NPY1R: variants seen among roughly 807,000 people sequenced by gnomAD.
NPY1R encodes neuropeptide Y receptor Y1.
In NPY1R, 10 loss-of-function variants were observed where a neutral mutation model predicts 24.1. The ratio of observed to expected loss-of-function variants is 0.42; its 90% CI spans 0.26 to 0.71. NPY1R has a LOEUF of 0.71. NPY1R is among the 30% of genes least tolerant of loss of function. The pLI is 0.28. For synonymous variants in NPY1R, 168 were observed against 165.9 expected (o/e 1.01, Z -0.10); for missense variants, 350 against 458.0 (o/e 0.76, Z 2.15).
chr4:163,340,909 A>G (rs1036300512), intron 1 of NPY1R, among the ~76,000 whole-genome samples: 2 of 152,124 alleles, frequency 1.3e-5, no homozygotes, highest in Admixed American at 1.3e-4. Flanking sequence ...GTTTTATGGT[A>G]TAATCATTAG....
At chr4:163,334,431 TA>T (rs1265526166), upstream of NPY1R, among the ~76,000 whole-genome samples, 3 of 152,262 alleles carry the variant, frequency 2.0e-5, no homozygotes, top group African/African-American at 7.2e-5. Context: ...ACTCAATTTT[TA>T]TGAAGTGTTC....
intron 1 of NPY1R, among the ~76,000 whole-genome samples, chr4:163,329,020 T>C (rs961715473): frequency 3.3e-5 from 5 of 152,242 alleles, no homozygotes; most frequent in African/African-American, 9.6e-5. Context: ...AATTCCATCA[T>C]AGTCCTTGAA....
chr4:163,326,686 A>C lies in NPY1R; in HGVS notation c.-132T>G, dbSNP rs992021387. On this transcript the variant is annotated 5_prime_UTR_variant, in exon 2 of 3. It removes an upstream start codon present in the reference 5' UTR. Coordinates refer to ENST00000296533, the MANE Select transcript of NPY1R (RefSeq NM_000909.6). Reference sequence around the variant, plus strand: ...TTACCAAAATTATTCTGAATTCTTCATTCCCTTGAACTGAACAATCTGTAA... The same window carrying C: ...TTACCAAAATTATTCTGAATTCTTCCTTCCCTTGAACTGAACAATCTGTAA... 1.6e-6 allele frequency: 1 copy of C among 624,084 alleles called. No homozygotes were observed. Among genetic ancestry groups the C allele is most frequent in the African/African-American group, 1.8e-5 (1 of 54,234 alleles). The allele number at this position is 624,084 out of a possible 1,614,324, so 38.7% of individuals were successfully genotyped here. A position where few individuals can be genotyped will look rare whatever the true frequency, so the allele number is the denominator to read the frequency against.
In NPY1R at chr4:163,325,594, C is replaced by A; in HGVS notation, c.864G>T (p.Trp288Cys). 6.2e-7 allele frequency: 1 copy of A among 1,613,778 alleles called. No individual in the cohort carries two copies. The highest frequency in any genetic ancestry group is 8.5e-7 in the Non-Finnish European group (1 of 1,179,978). The change falls in exon 3 of 3, where the codon TGG becomes TGT. Residue 288 changes from tryptophan (W) to cysteine (C), a missense_variant. Transcript: ENST00000296533. The part of the protein sequence containing the change: ...PLTIFNTVFD[W>C]NHQIIATCNH... ...TGCAGGTAGCAATGATCTGATGATT[C>A]CAATCAAACACAGTGTTAAAGATGG...
chr4:163,331,869 A>T (rs12510104), intron 1 of NPY1R, among the ~76,000 whole-genome samples: 86,760 of 152,142 alleles, frequency 0.57, 27,367 homozygotes, highest in Admixed American at 0.73. Context: ...GGTACTGCGG[A>T]GCGCGGCTCG....
At chr4:163,342,278 G>C (rs1418267832) in intron 1 of NPY1R, among the ~76,000 whole-genome samples, 1 of 152,174 alleles carries the variant, frequency 6.6e-6, no homozygotes, top group Non-Finnish European at 1.5e-5. Context: ...CTAGTGTTTT[G>C]AAAGTCACAA....
chr4:163,334,590 G>A (rs915489836), upstream of NPY1R, among the ~76,000 whole-genome samples: 13 of 152,280 alleles, frequency 8.5e-5, no homozygotes, highest in East Asian at 2.3e-3. Context: ...GGCTGGGGGC[G>A]GTGGCTCACG....
chr4:163,330,542 A>G (rs1267481885), intron 1 of NPY1R, among the ~76,000 whole-genome samples: 3 of 152,238 alleles, frequency 2.0e-5, no homozygotes, highest in African/African-American at 7.2e-5. Context: ...GAGAGAATTT[A>G]CACACTTTAT....
At position 163,324,119 on chromosome 4, in the gene NPY1R, TACATG is replaced by T. The variant is rs1313675680; in HGVS notation, c.*1179_*1183del. 3 of 152,618 alleles carry T rather than the reference TACATG, an allele frequency of 2.0e-5. No individual in the cohort carries two copies. The highest frequency in any genetic ancestry group is 7.2e-5 in the African/African-American group (3 of 41,454). 9.5% of individuals were successfully genotyped at this position (152,618 alleles called of 1,614,324 possible). A position where few individuals can be genotyped will look rare whatever the true frequency, so the allele number is the denominator to read the frequency against. ...CTGAGGCTCAATCATGATTACAAGA[TACATG>T]AAATTAGGCACATTAACATGACACA... On this transcript the variant is annotated 3_prime_UTR_variant, in exon 3 of 3. Coordinates refer to ENST00000296533, the MANE Select transcript of NPY1R (RefSeq NM_000909.6).
chr4:163,343,550 G>C (rs1735067372), intron 1 of NPY1R, among the ~76,000 whole-genome samples: 2 of 151,770 alleles, frequency 1.3e-5, no homozygotes. Context: ...TTGTTCTCAG[G>C]AATACTAAGA....
At chr4:163,338,705 C>CT (rs1443709377) in intron 1 of NPY1R, among the ~76,000 whole-genome samples, 1 of 152,178 alleles carries the variant, frequency 6.6e-6, no homozygotes, top group African/African-American at 2.4e-5. Context: ...TAATCTTCTC[C>CT]TTTTTTCATT....
At chr4:163,337,651 T>C (rs1263804724), upstream of NPY1R, among the ~76,000 whole-genome samples, 2 of 152,150 alleles carry the variant, frequency 1.3e-5, no homozygotes, top group Non-Finnish European at 2.9e-5. Context: ...AAGCATAAAA[T>C]CCATGAGTTG....
chr4:163,329,923 A>G lies in NPY1R; in HGVS notation c.-152+2559T>C, dbSNP rs62333381. ...CCTTTTTTTTTTATGGTCTGTGCCT[A>G]TAATCCTGAGAGAGCTGGGGAGCCT... On this transcript the variant is annotated intron_variant, in intron 1 of 2. Transcript: ENST00000296533. Among the ~76,000 whole-genome samples the G allele has an allele frequency of 7.0e-3, 1,072 of 152,138 alleles. 7 individuals are homozygous for G. Among genetic ancestry groups the G allele is most frequent in the Non-Finnish European group, 0.011 (781 of 67,980 alleles).
intron 1 of NPY1R, among the ~76,000 whole-genome samples, chr4:163,338,784 A>G (rs532222648): frequency 6.6e-6 from 1 of 152,208 alleles, no homozygotes; most frequent in East Asian, 1.9e-4. Context: ...AATCTTTACC[A>G]AAAGTACAGA....
rs753484484 is a variant in NPY1R, at chr4:163,324,582, A to G, written c.*721T>C. 1 of 152,096 alleles carries G rather than the reference A, an allele frequency of 6.6e-6. No homozygotes were observed. The highest frequency in any genetic ancestry group is 1.5e-5 in the Non-Finnish European group (1 of 68,004). 9.4% of individuals were successfully genotyped at this position (152,096 alleles called of 1,614,324 possible). Reference sequence around the variant, plus strand: ...AAATGCTCTTGTTGTCAGGTACCAAAATGGTTTTGAAGTTAGGGAGCTGCT... The same window carrying G: ...AAATGCTCTTGTTGTCAGGTACCAAGATGGTTTTGAAGTTAGGGAGCTGCT... On this transcript the variant is annotated 3_prime_UTR_variant, in exon 3 of 3. Coordinates refer to ENST00000296533, the MANE Select transcript of NPY1R (RefSeq NM_000909.6).
At chr4:163,335,434 A>G (rs1247364865), upstream of NPY1R, among the ~76,000 whole-genome samples, 2 of 152,362 alleles carry the variant, frequency 1.3e-5, no homozygotes, top group East Asian at 3.9e-4. Context: ...GTAACTGCTT[A>G]AATAAAAGTG....
chr4:163,334,783 C>A (rs1246225422), upstream of NPY1R, among the ~76,000 whole-genome samples: 1 of 151,202 alleles, frequency 6.6e-6, no homozygotes, highest in African/African-American at 2.4e-5. Flanking sequence ...CTGCTTGAAC[C>A]CAAGAGGCAG....
At chr4:163,337,450 G>C (rs542849302), upstream of NPY1R, among the ~76,000 whole-genome samples, 5 of 151,996 alleles carry the variant, frequency 3.3e-5, no homozygotes, top group Non-Finnish European at 7.4e-5. Flanking sequence ...ATAATTAAAC[G>C]CCATAGGGTA....
rs183736783 is a variant in NPY1R at position 163,324,373 on chromosome 4, C to A, written c.*930G>T. ...TATATAGGCACTGCTGTATGGAAAA[C>A]GCATTTTGTGTTTCTACAAATTGTA... On this transcript the variant is annotated 3_prime_UTR_variant, in exon 3 of 3. Transcript: ENST00000296533. The A allele has an allele frequency of 6.6e-6, 1 of 152,446 alleles. No homozygotes were observed. The highest frequency in any genetic ancestry group is 1.9e-4 in the East Asian group (1 of 5,190). The allele number at this position is 152,446 out of a possible 1,614,324, so 9.4% of individuals were successfully genotyped here.
Sources: allele counts gnomAD v4.1 joint callset (sites outside exome capture counted in the v4.1 genomes callset), GRCh38; gene constraint gnomAD v4.1.1; transcripts MANE v1.5; gene names NCBI Gene and HGNC (gene_info 2026-07-23, HGNC 2026-07-21).